The following SCUBE1 variants were observed in gnomAD, a reference collection of about 807,000 sequenced individuals.
SCUBE1 encodes signal peptide, CUB domain and EGF like domain containing 1, also known as signal peptide, CUB and EGF-like domain-containing protein 1.
Under a neutral mutation model 124.4 loss-of-function variants are expected in SCUBE1, and 59 were observed. The ratio of observed to expected loss-of-function variants is 0.47; its 90% CI spans 0.38 to 0.59. The LOEUF is 0.59. Among genes scored for constraint, SCUBE1 ranks in the 20% least tolerant of loss-of-function variants. SCUBE1 has a pLI of 0.00. For synonymous variants in SCUBE1, 545 were observed against 550.9 expected (o/e 0.99, Z 0.15); for missense variants, 1,150 against 1,371.2 (o/e 0.84, Z 2.55).
At chr22:43,301,528 G>A (rs746692459) in intron 3 of SCUBE1, among the ~76,000 whole-genome samples, 1 of 152,046 alleles carries the variant, frequency 6.6e-6, no homozygotes, top group Non-Finnish European at 1.5e-5. Flanking sequence ...GTCTTGGCAC[G>A]GCTGCCTCCT....
At chr22:43,285,377 T>C (rs1395311540) in intron 4 of SCUBE1, among the ~76,000 whole-genome samples, 1 of 151,864 alleles carries the variant, frequency 6.6e-6, no homozygotes, top group Non-Finnish European at 1.5e-5. Flanking sequence ...CTCTCTTCCT[T>C]CCCCTCTCTG....
In SCUBE1 at chr22:43,203,893, A is replaced by G. The variant is rs146501163; in HGVS notation, c.*104T>C. ...GTCGGCTTCCCTGAAGGGCAGTGCC[A>G]TGGGGTTCCCAAGGTGGTGTGGAGG... On this transcript the variant is annotated 3_prime_UTR_variant, in exon 22 of 22. Transcript: ENST00000360835. The G allele has an allele frequency of 1.2e-5, 15 of 1,273,246 alleles. No individual in the cohort carries two copies. The highest frequency in any genetic ancestry group is 2.6e-4 in the Middle Eastern group (1 of 3,856). The allele number at this position is 1,273,246 out of a possible 1,614,324, so 78.9% of individuals were successfully genotyped here.
chr22:43,298,086 A>G (rs1925631391), intron 3 of SCUBE1, among the ~76,000 whole-genome samples: 2 of 152,274 alleles, frequency 1.3e-5, no homozygotes, highest in African/African-American at 4.8e-5. Flanking sequence ...CTTAGGCAGA[A>G]AAGCCTCTTG....
intron 3 of SCUBE1, chr22:43,318,121 C>T (rs1455685348): frequency 6.6e-6 from 1 of 152,180 alleles, no homozygotes; most frequent in Non-Finnish European, 1.5e-5. Context: ...TAGTTTGTTA[C>T]TTTGTCATGG....
rs557080179 is a variant in SCUBE1, at chr22:43,282,753, T to A, written c.484+8293A>T. 4 of 151,940 alleles carry A rather than the reference T, an allele frequency of 2.6e-5. No homozygotes were observed. In the South Asian group the frequency reaches 8.4e-4, roughly 32 times the overall value. The allele number at this position is 151,940 out of a possible 1,614,324, so 9.4% of individuals were successfully genotyped here. Reference sequence around the variant, plus strand: ...CTCTGTCACCCAGGCTTGGGTGCAATGGCGCGATCTCAGCTCACTGCAACC... The same window carrying A: ...CTCTGTCACCCAGGCTTGGGTGCAAAGGCGCGATCTCAGCTCACTGCAACC... On this transcript the variant is annotated intron_variant, in intron 4 of 21. Transcript: ENST00000360835.
chr22:43,342,926 G>T (rs1303527406), intron 1 of SCUBE1, among the ~76,000 whole-genome samples: 1 of 151,498 alleles, frequency 6.6e-6, no homozygotes, highest in African/African-American at 2.4e-5. Flanking sequence ...CCGCGCTCGC[G>T]CTTCCCCTCC....
chr22:43,211,457 G>A lies in SCUBE1; in HGVS notation c.2222-374C>T, dbSNP rs1014825725. ...ACCCTCTTTCTACAAGGTTGCTGGG[G>A]CAGGAGAGACAGGCGGCCGGAGTCT... On this transcript the variant is annotated intron_variant, in intron 17 of 21. Coordinates refer to ENST00000360835, the MANE Select transcript of SCUBE1 (RefSeq NM_173050.5). The surrounding 1 kb of genome is among the most constrained non-coding windows in gnomAD (Gnocchi z 4.5). 5.9e-5 allele frequency among the ~76,000 whole-genome samples: 9 copies of A among 152,104 alleles called. No homozygotes were observed. Among genetic ancestry groups the A allele is most frequent in the Admixed American group, 5.9e-4 (9 of 15,272 alleles).
At chr22:43,298,797 A>G (rs923381515) in intron 3 of SCUBE1, among the ~76,000 whole-genome samples, 8 of 152,218 alleles carry the variant, frequency 5.3e-5, no homozygotes, top group African/African-American at 1.9e-4. Context: ...TCACGCCTGT[A>G]ATCCCAGCAC....
At position 43,218,342 on chromosome 22, in the gene SCUBE1, C is replaced by T. The variant is rs746125121; in HGVS notation, c.1804G>A (p.Glu602Lys). The change falls in exon 15 of 22, where the codon GAG becomes AAG. Residue 602 changes from glutamate (E) to lysine (K), a missense_variant. Around this residue, in one of 3 missense-constraint regions of SCUBE1, gnomAD observed 757 missense variants for 840.9 expected, o/e 0.90. Transcript: ENST00000360835. The stretch of plus-strand genomic sequence containing the variant: ...GCTGGCCTCTGGGCTACCTCGTACT[C>T]AGTGCCTGAGACCTGGACATAGAAC... ...QQFYVQVSGT[E>K]YEVAQRPAKA... is the part of the protein sequence containing the mutation. The T allele has an allele frequency of 1.2e-6, 2 of 1,613,472 alleles. No individual in the cohort carries two copies. The highest frequency in any genetic ancestry group is 3.3e-5 in the Admixed American group (2 of 60,032).
intron 7 of SCUBE1, 98 bp from the exon 8 acceptor site, chr22:43,231,973 C>T (rs1320531872): frequency 6.9e-7 from 1 of 1,451,674 alleles, no homozygotes; most frequent in Non-Finnish European, 9.5e-7. Context: ...ATGACACTGC[C>T]CTGAGTTGCC....
At chr22:43,300,437 C>T (rs1212049201) in intron 3 of SCUBE1, among the ~76,000 whole-genome samples, 7 of 151,890 alleles carry the variant, frequency 4.6e-5, no homozygotes, top group Non-Finnish European at 1.0e-4. Context: ...TGGGATACAG[C>T]GACGCTCAAG....
chr22:43,232,786 C>T (rs1349571643), intron 7 of SCUBE1, among the ~76,000 whole-genome samples: 1 of 152,232 alleles, frequency 6.6e-6, no homozygotes, highest in African/African-American at 2.4e-5. Context: ...GTCTTCCTCA[C>T]CCTAAACACA....
At chr22:43,263,998 G>A (rs944379728) in intron 4 of SCUBE1, among the ~76,000 whole-genome samples, 1 of 152,176 alleles carries the variant, frequency 6.6e-6, no homozygotes, top group African/African-American at 2.4e-5. Flanking sequence ...AGTGGCGTGC[G>A]GTCAACGCTT....
chr22:43,245,905 C>A (rs1923191756), intron 6 of SCUBE1, among the ~76,000 whole-genome samples: 2 of 152,212 alleles, frequency 1.3e-5, no homozygotes, highest in African/African-American at 4.8e-5. Flanking sequence ...GGCAAGCCAC[C>A]TTCTCTCGTG....
chr22:43,266,818 C>A (rs996108512), intron 4 of SCUBE1, among the ~76,000 whole-genome samples: 17 of 152,262 alleles, frequency 1.1e-4, no homozygotes, highest in Admixed American at 9.8e-4. Context: ...AAATCCAAGG[C>A]CAGTTCAGAT....
chr22:43,271,889 G>C (rs1335561285), intron 4 of SCUBE1, among the ~76,000 whole-genome samples: 1 of 152,180 alleles, frequency 6.6e-6, no homozygotes, highest in Admixed American at 6.5e-5. Context: ...CAATGACCAA[G>C]TGCCAGGTAC....
At chr22:43,254,436 A>G (rs1040590128) in intron 6 of SCUBE1, among the ~76,000 whole-genome samples, 4 of 152,148 alleles carry the variant, frequency 2.6e-5, no homozygotes, top group Non-Finnish European at 5.9e-5. Context: ...TGAGGTCCGC[A>G]TGAGGGCCAC....
intron 5 of SCUBE1, among the ~76,000 whole-genome samples, chr22:43,259,899 GACTCTTCTCC>G (rs1923809075): frequency 6.6e-6 from 1 of 152,194 alleles, no homozygotes; most frequent in East Asian, 1.9e-4. Context: ...CCTCAGGAGT[GACTCTTCTCC>G]AGGGTGGAGC....
chr22:43,253,250 C>T (rs1020831450), intron 6 of SCUBE1, among the ~76,000 whole-genome samples: 3 of 152,302 alleles, frequency 2.0e-5, no homozygotes, highest in Middle Eastern at 3.4e-3. Flanking sequence ...TATGTCTTTA[C>T]CCCACAGGCT....
Sources: gnomAD v4.1 joint callset for allele counts (sites outside exome capture counted in the v4.1 genomes callset) on GRCh38, gnomAD v4.1.1 for gene constraint, gnomAD v4.1.1 regional missense constraint, Gnocchi (gnomAD v3.1) non-coding constraint, MANE v1.5 for transcripts, NCBI Gene and HGNC (gene_info 2026-07-23, HGNC 2026-07-21) for gene names.